PCDHGB2: variants seen among roughly 807,000 people sequenced by gnomAD.
The protein encoded by PCDHGB2 is protocadherin gamma-B2.
PCDHGB2 carries 55 observed loss-of-function variants against 59.3 expected under a neutral mutation model. The ratio of observed to expected loss-of-function variants is 0.93; its 90% CI spans 0.75 to 1.16. The LOEUF is 1.16. Among genes scored for constraint, PCDHGB2 ranks in the 50% most tolerant of loss-of-function variants. PCDHGB2 has a pLI of 0.00. For missense variants in PCDHGB2, 1,228 were observed against 1,198.5 expected (o/e 1.02, Z -0.36); for synonymous variants, 516 against 512.0 (o/e 1.01, Z -0.11).
At chr5:141,362,707 GT>G in intron 1 of PCDHGB2, 151 bp downstream of exon 1, 1 of 974,024 alleles carries the variant, frequency 1.0e-6, no homozygotes, top group Non-Finnish European at 1.5e-6. Flanking sequence ...AATTTTAAGT[GT>G]TTTCTCTCTG....
intron 1 of PCDHGB2, chr5:141,478,242 T>C (rs750487479): frequency 6.2e-7 from 1 of 1,614,156 alleles, no homozygotes; most frequent in Admixed American, 1.7e-5. Context: ...GTGGTCACAG[T>C]GTTCGGAGTA....
At chr5:141,372,234 C>A in intron 1 of PCDHGB2, 1 of 1,613,350 alleles carries the variant, frequency 6.2e-7, no homozygotes. Context: ...GGCCAGCGAG[C>A]CCGGGCTGTT....
intron 1 of PCDHGB2, chr5:141,421,450 C>A (rs1193440607): frequency 2.5e-6 from 4 of 1,614,126 alleles, no homozygotes; most frequent in Non-Finnish European, 3.4e-6. Flanking sequence ...GAAGACACAG[C>A]TTTTCGCTGT....
intron 1 of PCDHGB2, chr5:141,427,017 TAC>T (rs764268354): frequency 2.2e-5 from 10 of 456,792 alleles, no homozygotes; most frequent in South Asian, 1.4e-4. Context: ...CCAGGATGTA[TAC>T]AAAGTCAGCC....
chr5:141,413,089 C>CTT, intron 1 of PCDHGB2: 1 of 1,401,124 alleles, frequency 7.1e-7, no homozygotes, highest in South Asian at 1.4e-5. Flanking sequence ...TACAGAGACA[C>CTT]CCTGAAGCCA....
At chr5:141,363,119 GT>G (rs1228488780) in intron 1 of PCDHGB2, among the ~76,000 whole-genome samples, 2 of 152,234 alleles carry the variant, frequency 1.3e-5, no homozygotes, top group East Asian at 3.8e-4. Flanking sequence ...GGTCTGAGGT[GT>G]CTGCTAGAAA....
chr5:141,506,025 A>T (rs2099850088), intron 3 of PCDHGB2, among the ~76,000 whole-genome samples: 1 of 152,150 alleles, frequency 6.6e-6, no homozygotes, highest in African/African-American at 2.4e-5. Context: ...CCCTAACTCC[A>T]GAGTAGGATT....
intron 1 of PCDHGB2, among the ~76,000 whole-genome samples, chr5:141,480,299 C>T: frequency 7.5e-6 from 1 of 132,466 alleles, no homozygotes; most frequent in Non-Finnish European, 1.6e-5. Flanking sequence ...CCTGTGGTAC[C>T]AGCTACTTGG....
chr5:141,371,993 G>C, intron 1 of PCDHGB2: 2 of 1,613,268 alleles, frequency 1.2e-6, no homozygotes, highest in Non-Finnish European at 1.7e-6. Context: ...TCACTCTGCA[G>C]GCCCGCGACC....
intron 1 of PCDHGB2, chr5:141,375,845 G>C (rs1308593204): frequency 6.2e-7 from 1 of 1,614,076 alleles, no homozygotes; most frequent in East Asian, 2.2e-5. Flanking sequence ...CGGCTACCTG[G>C]TGACCAAGGT....
chr5:141,403,419 A>G, intron 1 of PCDHGB2: 1 of 1,614,050 alleles, frequency 6.2e-7, no homozygotes, highest in Non-Finnish European at 8.5e-7. Context: ...CCACTTCCAG[A>G]AGCTATTGAT....
In PCDHGB2 at chr5:141,432,927, G is replaced by T. The variant is rs774982939; in HGVS notation, c.2422-61880G>T. ...AGGCTGCGGCGCTGGCACAAGTCAC[G>T]CCTGCTGCAGGCTTCAGGAGGCGGC... is the stretch of plus-strand genomic sequence containing the variant. On this transcript the variant is annotated intron_variant, in intron 1 of 3. Coordinates refer to ENST00000522605, the MANE Select transcript of PCDHGB2 (RefSeq NM_018923.3). This position sits in a 1 kb window ranked among gnomAD's most constrained non-coding sequence, Gnocchi z 6.0. 1.9e-6 allele frequency: 3 copies of T among 1,614,162 alleles called. No homozygotes were observed. In the Admixed American group the frequency reaches 5.0e-5, roughly 27 times the overall value.
intron 1 of PCDHGB2, chr5:141,384,393 G>A (rs763875742): frequency 1.2e-6 from 2 of 1,613,790 alleles, no homozygotes; most frequent in Non-Finnish European, 1.7e-6. Context: ...CCATCCAGGG[G>A]GCTCCAGTGT....
At chr5:141,438,765 G>A (rs1012158127) in intron 1 of PCDHGB2, among the ~76,000 whole-genome samples, 5 of 149,658 alleles carry the variant, frequency 3.3e-5, no homozygotes, top group Middle Eastern at 3.4e-3. Context: ...GGGTTCAAGC[G>A]ATTCTCCTGC....
chr5:141,376,171 G>A (rs758847977), intron 1 of PCDHGB2: 1 of 1,614,096 alleles, frequency 6.2e-7, no homozygotes, highest in Non-Finnish European at 8.5e-7. Context: ...TGGTGGTGGC[G>A]GTGGCCGCGG....
chr5:141,383,876 G>T (rs747987128), intron 1 of PCDHGB2: 1 of 1,613,978 alleles, frequency 6.2e-7, no homozygotes, highest in South Asian at 1.1e-5. Flanking sequence ...GATGGTCCTG[G>T]TAGTCTGACA....
intron 1 of PCDHGB2, chr5:141,427,833 G>T (rs1345567011): frequency 6.5e-7 from 1 of 1,540,964 alleles, no homozygotes; most frequent in Non-Finnish European, 8.9e-7. Flanking sequence ...CGCGCAGCGT[G>T]CCTTCGACCA....
At chr5:141,389,034 T>C (rs369402592) in intron 1 of PCDHGB2, 34 of 1,613,840 alleles carry the variant, frequency 2.1e-5, no homozygotes, top group East Asian at 4.5e-5. Flanking sequence ...GACTTGTAAA[T>C]TGGAAGGTGA....
intron 1 of PCDHGB2, chr5:141,371,563 T>G: frequency 6.2e-7 from 1 of 1,613,806 alleles, no homozygotes; most frequent in Non-Finnish European, 8.5e-7. Context: ...AAAGGAAACT[T>G]CCCCTTTAAA....
Sources: allele counts gnomAD v4.1 joint callset (sites outside exome capture counted in the v4.1 genomes callset), GRCh38; gene constraint gnomAD v4.1.1; non-coding constraint Gnocchi (gnomAD v3.1); transcripts MANE v1.5; gene names NCBI Gene and HGNC (gene_info 2026-07-23, HGNC 2026-07-21).